Variants in RALY observed in about 807,000 individuals in gnomAD.
RALY encodes the protein RNA-binding protein Raly.
RALY carries 15 observed loss-of-function variants against 30.7 expected under a neutral mutation model. That is an observed-to-expected ratio of 0.49 (90% CI 0.33 to 0.75). The LOEUF (loss-of-function observed/expected upper bound fraction) is 0.75. Ranked by LOEUF, RALY falls within the 30% of genes least tolerant of loss-of-function variation. RALY has a pLI of 0.02. For missense variants in RALY, 339 were observed against 414.3 expected (o/e 0.82, Z 1.58); for synonymous variants, 177 against 170.8 (o/e 1.04, Z -0.28).
intron 2 of RALY, among the ~76,000 whole-genome samples, chr20:34,034,419 A>G (rs914159243): frequency 1.3e-5 from 2 of 152,294 alleles, no homozygotes; most frequent in East Asian, 1.9e-4. Flanking sequence ...TTGTTAATCT[A>G]AAGTTCTACA....
intron 2 of RALY, among the ~76,000 whole-genome samples, chr20:34,054,936 G>C (rs1015295345): frequency 6.6e-6 from 1 of 152,064 alleles, no homozygotes. Context: ...TGTTAAATGG[G>C]GGCAATAGTA....
At chr20:34,049,010 G>C (rs1406971205) in intron 2 of RALY, 2 of 152,274 alleles carry the variant, frequency 1.3e-5, no homozygotes, top group East Asian at 3.9e-4. Flanking sequence ...ACCTGACCCA[G>C]TATTAGGAGA....
chr20:34,001,493 TTAA>T (rs2030913513), intron 1 of RALY, among the ~76,000 whole-genome samples: 1 of 152,220 alleles, frequency 6.6e-6, no homozygotes, highest in African/African-American at 2.4e-5. Flanking sequence ...GTTTGGAAGC[TTAA>T]TGTTATTGGC....
At chr20:33,996,969 G>A (rs954421500) in intron 1 of RALY, among the ~76,000 whole-genome samples, 4 of 152,140 alleles carry the variant, frequency 2.6e-5, no homozygotes, top group African/African-American at 9.7e-5. Flanking sequence ...GTCCTCACCT[G>A]CAGCAGAGAT....
At chr20:34,028,275 G>A (rs1435467740) in intron 1 of RALY, among the ~76,000 whole-genome samples, 7 of 146,510 alleles carry the variant, frequency 4.8e-5, no homozygotes, top group African/African-American at 1.8e-4. Context: ...AACAGAGCAA[G>A]ACCCTATCTT....
intron 1 of RALY, among the ~76,000 whole-genome samples, chr20:34,018,877 CT>C (rs1220304284): frequency 6.6e-6 from 1 of 152,166 alleles, no homozygotes; most frequent in Non-Finnish European, 1.5e-5. Flanking sequence ...GAACTGCAGC[CT>C]TTCCCTCAGT....
At chr20:34,038,937 G>A (rs939248140) in intron 2 of RALY, among the ~76,000 whole-genome samples, 1 of 152,118 alleles carries the variant, frequency 6.6e-6, no homozygotes, top group Non-Finnish European at 1.5e-5. Context: ...AGAGTGTGGC[G>A]ATCCAGGCTC....
rs998137115 is a variant in RALY at position 34,084,723 on chromosome 20, A to G, written c.*4818A>G. 1 of 152,314 alleles carries G rather than the reference A, an allele frequency of 6.6e-6. No individual in the cohort carries two copies. The highest frequency in any genetic ancestry group is 1.5e-5 in the Non-Finnish European group (1 of 68,100). 9.4% of individuals were successfully genotyped at this position (152,314 alleles called of 1,614,324 possible). A position where few individuals can be genotyped will look rare whatever the true frequency, so the allele number is the denominator to read the frequency against. ...GGCCACACAGAGAGGCCACGTGTAC[A>G]TGTTCAGCTGACAGCAGTATCAAAT... On this transcript the variant is annotated 3_prime_UTR_variant, in exon 10 of 10. Coordinates refer to ENST00000246194, the MANE Select transcript of RALY (RefSeq NM_016732.3).
chr20:33,998,952 C>A (rs1164634007), intron 1 of RALY, among the ~76,000 whole-genome samples: 1 of 151,618 alleles, frequency 6.6e-6, no homozygotes, highest in African/African-American at 2.4e-5. Context: ...CGTGGTGAAA[C>A]CCCGTCTCTA....
intron 2 of RALY, among the ~76,000 whole-genome samples, chr20:34,070,430 G>A (rs2033694559): frequency 6.6e-6 from 1 of 152,134 alleles, no homozygotes; most frequent in Non-Finnish European, 1.5e-5. Context: ...CAGCCCTTTG[G>A]GGTAAAAGAC....
chr20:34,073,438 A>G (rs376514135), intron 3 of RALY, 125 bp from the exon 4 acceptor site: 2 of 853,256 alleles, frequency 2.3e-6, no homozygotes. Flanking sequence ...TGTTGGCACC[A>G]TCAGTGAGCA....
intron 9 of RALY, among the ~76,000 whole-genome samples, chr20:34,079,188 A>G (rs1349568081): frequency 6.6e-6 from 1 of 152,220 alleles, no homozygotes; most frequent in African/African-American, 2.4e-5. Context: ...CAGGAGCTGC[A>G]CCTGCTTTCT....
chr20:34,039,205 A>G (rs2032608251), intron 2 of RALY, among the ~76,000 whole-genome samples: 1 of 152,244 alleles, frequency 6.6e-6, no homozygotes, highest in Non-Finnish European at 1.5e-5. Flanking sequence ...CGCTATCTAT[A>G]GTAAGGTGTT....
At chr20:34,037,154 G>T (rs903261626) in intron 2 of RALY, among the ~76,000 whole-genome samples, 2 of 152,128 alleles carry the variant, frequency 1.3e-5, no homozygotes, top group Non-Finnish European at 2.9e-5. Context: ...TTCAGAGGGG[G>T]CCTGATTCAG....
At chr20:33,999,757 C>T (rs949318897) in intron 1 of RALY, among the ~76,000 whole-genome samples, 2 of 151,858 alleles carry the variant, frequency 1.3e-5, no homozygotes, top group African/African-American at 4.8e-5. Context: ...GTGGATGGGG[C>T]AGGGCAGGGT....
chr20:34,077,578 G>T, intron 8 of RALY: 1 of 415,662 alleles, frequency 2.4e-6, no homozygotes, highest in Non-Finnish European at 4.4e-6. Context: ...GGGCTGGGGT[G>T]GCTTGTGGAG....
chr20:34,055,752 AAAT>A (rs2033223172), intron 2 of RALY, among the ~76,000 whole-genome samples: 1 of 152,204 alleles, frequency 6.6e-6, no homozygotes, highest in South Asian at 2.1e-4. Context: ...TTGATTGTTA[AAAT>A]AATAAACTTG....
chr20:34,078,595 G>A (rs1179237704), intron 9 of RALY, 42 bp downstream of exon 9: 6 of 1,490,210 alleles, frequency 4.0e-6, no homozygotes, highest in African/African-American at 1.4e-5. Context: ...TGGGGAATCA[G>A]TGAAGTGGAG....
In RALY at chr20:34,077,264, G is replaced by A. The variant is rs1209963862; in HGVS notation, c.876+19G>A. Reference sequence around the variant, plus strand: ...AGAGCTGGTGAGGGCCTGGCCAGGGGCACGACTGGGACTCGACTGTGCTCC... The same window carrying A: ...AGAGCTGGTGAGGGCCTGGCCAGGGACACGACTGGGACTCGACTGTGCTCC... On this transcript the variant is annotated intron_variant, in intron 8 of 9. Transcript: ENST00000246194. 6.2e-7 allele frequency: 1 copy of A among 1,613,054 alleles called. No homozygotes were observed. Among genetic ancestry groups the A allele is most frequent in the Non-Finnish European group, 8.5e-7 (1 of 1,179,542 alleles).
Sources: allele counts gnomAD v4.1 joint callset (sites outside exome capture counted in the v4.1 genomes callset), GRCh38; gene constraint gnomAD v4.1.1; transcripts MANE v1.5; gene names NCBI Gene and HGNC (gene_info 2026-07-23, HGNC 2026-07-21).